BMP6: variants seen among roughly 807,000 people sequenced by gnomAD.
BMP6 encodes the protein VG-1-R.
In BMP6, 17 loss-of-function variants were observed where a neutral mutation model predicts 54.1. That is an observed-to-expected ratio of 0.31 (90% CI 0.22 to 0.47). The LOEUF (loss-of-function observed/expected upper bound fraction) is 0.47, where lower values mean the gene tolerates loss of function less well. BMP6 is among the 20% of genes least tolerant of loss of function. The pLI, the probability that BMP6 is intolerant of heterozygous loss-of-function variation, is 1.00. For synonymous variants in BMP6, 328 were observed against 291.2 expected (o/e 1.13, Z -1.28); for missense variants, 720 against 690.4 (o/e 1.04, Z -0.48).
At chr6:7,793,934 G>T (rs1758149886) in intron 1 of BMP6, among the ~76,000 whole-genome samples, 1 of 152,124 alleles carries the variant, frequency 6.6e-6, no homozygotes, top group Non-Finnish European at 1.5e-5. Flanking sequence ...CCTAGTCCAG[G>T]CTCGCATCTG....
At chr6:7,879,647 G>A (rs1422082945) in intron 5 of BMP6, among the ~76,000 whole-genome samples, 2 of 152,122 alleles carry the variant, frequency 1.3e-5, no homozygotes, top group African/African-American at 4.8e-5. Context: ...GCGATAAAAG[G>A]TAGCTTCCAT....
At chr6:7,783,533 C>T (rs1413993827) in intron 1 of BMP6, among the ~76,000 whole-genome samples, 1 of 152,220 alleles carries the variant, frequency 6.6e-6, no homozygotes, top group Non-Finnish European at 1.5e-5. Flanking sequence ...TAGGAGTTTA[C>T]AACTCAAAAC....
chr6:7,754,820 C>CA (rs1257159403), intron 1 of BMP6, among the ~76,000 whole-genome samples: 3 of 152,120 alleles, frequency 2.0e-5, no homozygotes, highest in African/African-American at 7.2e-5. Flanking sequence ...CAGGTTCAAG[C>CA]CATTCTCCTA....
At chr6:7,815,040 A>G (rs1472523521) in intron 1 of BMP6, among the ~76,000 whole-genome samples, 1 of 152,174 alleles carries the variant, frequency 6.6e-6, no homozygotes, top group East Asian at 1.9e-4. Context: ...TGTCTTTCAA[A>G]ATATTCAAAT....
At chr6:7,759,222 A>G (rs1757570334) in intron 1 of BMP6, among the ~76,000 whole-genome samples, 1 of 152,160 alleles carries the variant, frequency 6.6e-6, no homozygotes, top group Admixed American at 6.5e-5. Flanking sequence ...GCTTGATACT[A>G]GTAATATCAT....
At chr6:7,757,499 C>T (rs1757536372) in intron 1 of BMP6, among the ~76,000 whole-genome samples, 1 of 152,118 alleles carries the variant, frequency 6.6e-6, no homozygotes, top group Non-Finnish European at 1.5e-5. Context: ...AAGGGCCCAC[C>T]CTACTCCAGT....
intron 1 of BMP6, among the ~76,000 whole-genome samples, chr6:7,818,897 A>G (rs777652938): frequency 6.6e-6 from 1 of 152,256 alleles, no homozygotes; most frequent in Non-Finnish European, 1.5e-5. Context: ...CAATGATTGC[A>G]TTTTATAAAC....
chr6:7,816,284 A>G (rs993656300), intron 1 of BMP6, among the ~76,000 whole-genome samples: 3 of 152,244 alleles, frequency 2.0e-5, no homozygotes, highest in Non-Finnish European at 4.4e-5. Context: ...TGGAGTTTAC[A>G]TTTGTGTAAC....
chr6:7,873,663 A>G (rs1008297640), intron 4 of BMP6, among the ~76,000 whole-genome samples: 3 of 151,988 alleles, frequency 2.0e-5, no homozygotes, highest in Non-Finnish European at 4.4e-5. Flanking sequence ...CCTGAAGCTA[A>G]TGAGGTCCTA....
chr6:7,813,147 AT>A (rs921326120), intron 1 of BMP6, among the ~76,000 whole-genome samples: 1 of 110,430 alleles, frequency 9.1e-6, no homozygotes, highest in Admixed American at 1.0e-4. Flanking sequence ...ATATATATAT[AT>A]AAAATTAGTG....
intron 1 of BMP6, among the ~76,000 whole-genome samples, chr6:7,759,653 T>A (rs270402): frequency 0.8 from 116,750 of 146,344 alleles, 46,863 homozygotes; most frequent in African/African-American, 0.83. Context: ...TAAAAGAATT[T>A]AAAAAAAAGA....
At chr6:7,863,569 G>A (rs1285064675) in intron 4 of BMP6, among the ~76,000 whole-genome samples, 1 of 152,160 alleles carries the variant, frequency 6.6e-6, no homozygotes, top group Admixed American at 6.5e-5. Context: ...CACACTGCTG[G>A]GTGGGGAGTG....
rs1046261361 is a variant in BMP6, at chr6:7,726,121, C to T, written c.-835C>T. ...AGCAGAAAGCCCACGTTGGCCGCTG[C>T]GGGGAGCGCGGCGTGGAGAGGCGGG... is the stretch of plus-strand genomic sequence containing the variant. On this transcript the variant is annotated 5_prime_UTR_variant, in exon 1 of 7. Coordinates refer to ENST00000283147, the MANE Select transcript of BMP6 (RefSeq NM_001718.6). Among the ~76,000 whole-genome samples the T allele has an allele frequency of 9.9e-5, 15 of 152,214 alleles. No homozygotes were observed. Among genetic ancestry groups the T allele is most frequent in the Non-Finnish European group, 1.8e-4 (12 of 68,038 alleles).
At chr6:7,827,227 G>T (rs556701547) in intron 1 of BMP6, among the ~76,000 whole-genome samples, 1 of 152,240 alleles carries the variant, frequency 6.6e-6, no homozygotes, top group South Asian at 2.1e-4. Flanking sequence ...TGACCCCGTC[G>T]CCCCCTGTGC....
chr6:7,833,359 A>C (rs1205980178), intron 1 of BMP6, among the ~76,000 whole-genome samples: 3 of 152,214 alleles, frequency 2.0e-5, no homozygotes, highest in Admixed American at 2.0e-4. Context: ...AGAAAGTAAA[A>C]GCAACAAGAG....
At chr6:7,751,971 C>T (rs186826808) in intron 1 of BMP6, among the ~76,000 whole-genome samples, 8 of 152,304 alleles carry the variant, frequency 5.3e-5, no homozygotes, top group East Asian at 1.9e-4. Flanking sequence ...GCTGCTTAAA[C>T]GCTTCCAGCT....
chr6:7,860,563 CTG>C (rs1161667943), intron 2 of BMP6, among the ~76,000 whole-genome samples: 1 of 152,178 alleles, frequency 6.6e-6, no homozygotes, highest in African/African-American at 2.4e-5. Flanking sequence ...TAGTTCAAAA[CTG>C]TGAAAAAGTC....
intron 4 of BMP6, among the ~76,000 whole-genome samples, chr6:7,873,830 C>T (rs1759566248): frequency 6.6e-6 from 1 of 152,040 alleles, no homozygotes; most frequent in African/African-American, 2.4e-5. Context: ...TCTGCTTGAC[C>T]TGGGAAAGAA....
intron 1 of BMP6, among the ~76,000 whole-genome samples, chr6:7,787,727 A>T (rs1351368284): frequency 6.6e-6 from 1 of 152,184 alleles, no homozygotes; most frequent in African/African-American, 2.4e-5. Context: ...CAATTTAGTA[A>T]ATGCTAGACA....
Sources: allele counts gnomAD v4.1 joint callset (sites outside exome capture counted in the v4.1 genomes callset), GRCh38; gene constraint gnomAD v4.1.1; transcripts MANE v1.5; gene names NCBI Gene and HGNC (gene_info 2026-07-23, HGNC 2026-07-21).